The following PRKAG2 variants were observed in gnomAD, a reference collection of about 807,000 sequenced individuals.
PRKAG2 encodes protein kinase AMP-activated non-catalytic subunit gamma 2.
In PRKAG2, 26 loss-of-function variants were observed where a neutral mutation model predicts 69.6. The observed-to-expected ratio is 0.37, with a 90% confidence interval of 0.27 to 0.52. The LOEUF is 0.52. Ranked by LOEUF, PRKAG2 falls within the 20% of genes least tolerant of loss-of-function variation. The pLI is 0.90. For missense variants in PRKAG2, 557 were observed against 740.0 expected (o/e 0.75, Z 2.87); for synonymous variants, 293 against 285.0 (o/e 1.03, Z -0.28).
rs1449431915 is a variant in PRKAG2, at chr7:151,632,864, G to GT, written c.685-727dup. On this transcript the variant is annotated intron_variant, in intron 4 of 15. Coordinates refer to ENST00000287878, the MANE Select transcript of PRKAG2 (RefSeq NM_016203.4). The surrounding 1 kb of genome is among the most constrained non-coding windows in gnomAD (Gnocchi z 4.2). ...TCGCGTCCTCTCTTCGCAGCCGAGT[G>GT]TCTTCTCGGTTGGGGAGCCGCTGCC... The GT allele has an allele frequency of 6.6e-6, 1 of 152,282 alleles. No individual in the cohort carries two copies. The highest frequency in any genetic ancestry group is 1.5e-5 in the Non-Finnish European group (1 of 68,262). 9.4% of individuals were successfully genotyped at this position (152,282 alleles called of 1,614,324 possible). A position where few individuals can be genotyped will look rare whatever the true frequency, so the allele number is the denominator to read the frequency against.
Position 151,836,150 on chromosome 7 carries a change from G to T in PRKAG2, c.114+40357C>A, listed in dbSNP as rs372136429. ...CATATCCTGAGTTTTGTCTTCGGCC[G>T]TGTCTTTGGAGCATTCCTTCCCCTA... On this transcript the variant is annotated intron_variant, in intron 1 of 15. Transcript: ENST00000287878. The surrounding 1 kb of genome is among the most constrained non-coding windows in gnomAD (Gnocchi z 4.1). Among the ~76,000 whole-genome samples, 1 of 152,168 alleles carries T rather than the reference G, an allele frequency of 6.6e-6. No homozygotes were observed. Among genetic ancestry groups the T allele is most frequent in the Non-Finnish European group, 1.5e-5 (1 of 68,020 alleles).
intron 2 of PRKAG2, among the ~76,000 whole-genome samples, chr7:151,783,060 G>A (rs2076805436): frequency 6.6e-6 from 1 of 152,226 alleles, no homozygotes; most frequent in South Asian, 2.1e-4. Context: ...ACCACGGGGT[G>A]CGCTGTCCGG....
intron 3 of PRKAG2, among the ~76,000 whole-genome samples, chr7:151,676,192 A>G (rs1832916858): frequency 6.9e-6 from 1 of 145,868 alleles, no homozygotes; most frequent in South Asian, 2.3e-4. Context: ...GAAAATGTGC[A>G]GCAGAGATGC....
intron 3 of PRKAG2, among the ~76,000 whole-genome samples, chr7:151,779,540 T>A (rs2076567164): frequency 6.6e-6 from 1 of 152,168 alleles, no homozygotes; most frequent in Admixed American, 6.5e-5. Context: ...CTACACTCCT[T>A]TGGGCACCCT....
At chr7:151,758,346 C>T (rs901207898) in intron 3 of PRKAG2, among the ~76,000 whole-genome samples, 6 of 152,150 alleles carry the variant, frequency 3.9e-5, no homozygotes, top group South Asian at 2.1e-4. Context: ...GGAAGACAGT[C>T]GCTTCCAAAA....
Position 151,779,814 on chromosome 7 carries a change from C to T in PRKAG2, c.466+1338G>A, listed in dbSNP as rs77423953. On this transcript the variant is annotated intron_variant, in intron 3 of 15. Coordinates refer to ENST00000287878, the MANE Select transcript of PRKAG2 (RefSeq NM_016203.4). ...TCTTTGACAAATCCCACCTGTGTGA[C>T]GTGGAGCCCTCACGCAGCTTTCCCA... 6.8e-3 allele frequency among the ~76,000 whole-genome samples: 1,029 copies of T among 152,306 alleles called. 15 individuals are homozygous for T. The highest frequency in any genetic ancestry group is 0.023 in the African/African-American group (960 of 41,560).
intron 3 of PRKAG2, among the ~76,000 whole-genome samples, chr7:151,735,461 C>T (rs1170283253): frequency 6.6e-6 from 1 of 152,170 alleles, no homozygotes; most frequent in Non-Finnish European, 1.5e-5. Flanking sequence ...CCCACATTAG[C>T]CCACGATCTG....
chr7:151,758,539 G>T (rs192965981), intron 3 of PRKAG2, among the ~76,000 whole-genome samples: 22 of 152,334 alleles, frequency 1.4e-4, no homozygotes, highest in African/African-American at 5.1e-4. Context: ...AGCTCTAGGA[G>T]CTGGGAGCCC....
intron 3 of PRKAG2, among the ~76,000 whole-genome samples, chr7:151,688,834 C>T (rs1243252892): frequency 6.6e-6 from 1 of 152,156 alleles, no homozygotes; most frequent in African/African-American, 2.4e-5. Context: ...CACTTCGGGG[C>T]CCTTCTAACT....
chr7:151,759,934 A>G (rs1446602280), intron 3 of PRKAG2, among the ~76,000 whole-genome samples: 1 of 152,232 alleles, frequency 6.6e-6, no homozygotes, highest in Non-Finnish European at 1.5e-5. Context: ...GAGATTTAAC[A>G]TCGACATTCT....
intron 1 of PRKAG2, among the ~76,000 whole-genome samples, chr7:151,868,248 G>C (rs888106476): frequency 3.9e-5 from 6 of 152,228 alleles, no homozygotes; most frequent in Non-Finnish European, 8.8e-5. Flanking sequence ...AGATGAGTGA[G>C]ATTCCAATTA....
rs1554614015 is a variant in PRKAG2 at position 151,827,762 on chromosome 7, A to AAAAAAC, written c.115-41222_115-41221insGTTTTT. On this transcript the variant is annotated intron_variant, in intron 1 of 15. Coordinates refer to ENST00000287878, the MANE Select transcript of PRKAG2 (RefSeq NM_016203.4). ...GCCTTAGGTAAAAAAAAAAAAAAAA[A>AAAAAAC]AAAAAAAAAAAACTGCCTTGCTGTA... 2.0e-5 allele frequency among the ~76,000 whole-genome samples: 3 copies of AAAAAAC among 149,512 alleles called. 1 individual carries two copies. Among genetic ancestry groups the AAAAAAC allele is most frequent in the Non-Finnish European group, 3.0e-5 (2 of 67,008 alleles).
chr7:151,686,995 A>C (rs1441490849), intron 3 of PRKAG2, among the ~76,000 whole-genome samples: 1 of 152,238 alleles, frequency 6.6e-6, no homozygotes, highest in Non-Finnish European at 1.5e-5. Context: ...AATCCGGAAA[A>C]TATCCAGTCT....
intron 3 of PRKAG2, among the ~76,000 whole-genome samples, chr7:151,760,805 CT>C (rs926498285): frequency 1.3e-5 from 2 of 152,230 alleles, no homozygotes; most frequent in African/African-American, 4.8e-5. Flanking sequence ...CTCCAGCCCT[CT>C]GTCTGGAAGA....
intron 4 of PRKAG2, among the ~76,000 whole-genome samples, chr7:151,635,466 C>T (rs1462451353): frequency 6.6e-6 from 1 of 152,146 alleles, no homozygotes; most frequent in Non-Finnish European, 1.5e-5. Context: ...GTGAAGCGGG[C>T]TGTGGTAGGT....
chr7:151,722,744 G>A (rs976531403), intron 3 of PRKAG2, among the ~76,000 whole-genome samples: 3 of 152,100 alleles, frequency 2.0e-5, no homozygotes, highest in Non-Finnish European at 2.9e-5. Flanking sequence ...GCTCAACACC[G>A]ATTCCCAGTC....
chr7:151,596,909 G>A (rs574061674), intron 5 of PRKAG2, among the ~76,000 whole-genome samples: 10 of 151,072 alleles, frequency 6.6e-5, no homozygotes, highest in East Asian at 1.9e-4. Flanking sequence ...CCAATTCTTC[G>A]CAGGACAAGA....
At chr7:151,824,833 G>A (rs1479674613) in intron 1 of PRKAG2, among the ~76,000 whole-genome samples, 10 of 152,180 alleles carry the variant, frequency 6.6e-5, no homozygotes, top group African/African-American at 1.4e-4. Context: ...GCCGACACTC[G>A]TGCGCTTTCT....
intron 5 of PRKAG2, among the ~76,000 whole-genome samples, chr7:151,605,569 T>TGGG (rs1462381409): frequency 6.6e-6 from 1 of 150,624 alleles, no homozygotes; most frequent in Admixed American, 6.6e-5. Flanking sequence ...AAACCCCGTC[T>TGGG]CTACTAAAAA....
Sources: gnomAD v4.1 joint callset for allele counts (sites outside exome capture counted in the v4.1 genomes callset) on GRCh38, gnomAD v4.1.1 for gene constraint, Gnocchi (gnomAD v3.1) non-coding constraint, MANE v1.5 for transcripts, NCBI Gene and HGNC (gene_info 2026-07-23, HGNC 2026-07-21) for gene names.